PARP14: variants seen among roughly 807,000 people sequenced by gnomAD.
PARP14 encodes protein mono-ADP-ribosyltransferase PARP14.
PARP14 carries 59 observed loss-of-function variants against 154.2 expected under a neutral mutation model. The observed-to-expected ratio is 0.38, with a 90% CI of 0.31 to 0.48. The LOEUF is 0.48. Among genes scored for constraint, PARP14 ranks in the 20% least tolerant of loss-of-function variants. The pLI is 0.98. For synonymous variants in PARP14, 720 were observed against 780.5 expected (o/e 0.92, Z 1.29); for missense variants, 1,734 against 2,131.6 (o/e 0.81, Z 3.67).
At chr3:122,715,270 C>T (rs369654388) in intron 12 of PARP14, among the ~76,000 whole-genome samples, 1 of 152,032 alleles carries the variant, frequency 6.6e-6, no homozygotes, top group African/African-American at 2.4e-5. Context: ...TGTTCCAGTG[C>T]GAGAATAGTC....
chr3:122,728,726 G>T lies in PARP14; in HGVS notation c.*129G>T. ...TATCCAAGGATCATTCTTTGTCGCT[G>T]AAGTCAGTCTTTCTTCAGCTTCCCT... On this transcript the variant is annotated 3_prime_UTR_variant, in exon 17 of 17. Transcript: ENST00000474629. The T allele has an allele frequency of 1.4e-6, 1 of 712,778 alleles. No individual in the cohort carries two copies. The highest frequency in any genetic ancestry group is 2.4e-6 in the Non-Finnish European group (1 of 424,028). The allele number at this position is 712,778 out of a possible 1,614,324, so 44.2% of individuals were successfully genotyped here.
chr3:122,713,818 A>T lies in PARP14; in HGVS notation c.3770-54A>T, dbSNP rs761196520. On this transcript the variant is annotated intron_variant, in intron 10 of 16. Transcript: ENST00000474629. ...TTCAGATAATCCTTCTGATCCAAAT[A>T]TACCATAGTGGTTTTTTACTCATGT... The T allele has an allele frequency of 4.1e-5, 53 of 1,279,844 alleles. No individual in the cohort carries two copies. The South Asian group carries it at 5.0e-4, about 12-fold the overall frequency. The allele number at this position is 1,279,844 out of a possible 1,614,324, so 79.3% of individuals were successfully genotyped here.
At chr3:122,698,212 C>T (rs1938841475) in intron 5 of PARP14, among the ~76,000 whole-genome samples, 2 of 152,222 alleles carry the variant, frequency 1.3e-5, no homozygotes. Context: ...CTGCTTTTCC[C>T]TCATGCTTGA....
intron 15 of PARP14, chr3:122,720,894 C>T: frequency 2.2e-6 from 1 of 456,392 alleles, no homozygotes; most frequent in Non-Finnish European, 4.4e-6. Context: ...ATTGCATGAG[C>T]CCAGGAGTTT....
rs1376024073 is a variant in PARP14 at position 122,701,050 on chromosome 3, C to A, written c.2496C>A (p.Gly832=). The A allele has an allele frequency of 1.9e-6, 3 of 1,613,858 alleles. No individual in the cohort carries two copies. Among genetic ancestry groups the A allele is most frequent in the Non-Finnish European group, 2.5e-6 (3 of 1,179,888 alleles). Residue 832 remains glycine (G), a synonymous_variant, in exon 6 of 17, where the codon GGC becomes GGA. Transcript: ENST00000474629. The surrounding 1 kb of genome is among the most constrained non-coding windows in gnomAD (Gnocchi z 4.0). ...ATGAGGACCTTAAGCATTATGGTGG[C>A]CTGGCCGCTGCGCTCTCAAAAGCAG... ...ASNEDLKHYG[G]LAAALSKAAG... is the part of the protein sequence containing the mutation.
intron 1 of PARP14, among the ~76,000 whole-genome samples, chr3:122,684,543 C>G (rs529923694): frequency 1.6e-3 from 251 of 152,240 alleles, no homozygotes; most frequent in African/African-American, 5.8e-3. Context: ...TCTTTGGACT[C>G]TATGTCCACT....
At position 122,680,844 on chromosome 3, in the gene PARP14, T is replaced by C. The variant is rs2107633193; in HGVS notation, c.-40T>C. 6.6e-7 allele frequency: 1 copy of C among 1,522,940 alleles called. No homozygotes were observed. Among genetic ancestry groups the C allele is most frequent in the East Asian group, 2.4e-5 (1 of 42,382 alleles). The allele number at this position is 1,522,940 out of a possible 1,614,324, so 94.3% of individuals were successfully genotyped here. On this transcript the variant is annotated 5_prime_UTR_variant, in exon 1 of 17. Transcript: ENST00000474629. ...AGAGTCAAAGTTAGCGGCCCGGAGTTGGCGCGGCCCCTGCAGTCCGGCGGA... is the reference window on the plus strand; with the variant it reads ...AGAGTCAAAGTTAGCGGCCCGGAGTCGGCGCGGCCCCTGCAGTCCGGCGGA...
chr3:122,707,188 G>C (rs1032060775), intron 8 of PARP14, among the ~76,000 whole-genome samples: 5 of 152,064 alleles, frequency 3.3e-5, no homozygotes, highest in Non-Finnish European at 5.9e-5. Context: ...GGCAGCCAAG[G>C]CAGGCAGATC....
At chr3:122,695,339 A>G (rs1014069245) in intron 4 of PARP14, 87 bp from the exon 5 acceptor site, 13 of 691,090 alleles carry the variant, frequency 1.9e-5, no homozygotes, top group East Asian at 1.1e-4. Context: ...CTTTTATTTC[A>G]ATTAGTAGCC....
At chr3:122,712,092 T>A (rs553614456) in intron 9 of PARP14, among the ~76,000 whole-genome samples, 1 of 152,246 alleles carries the variant, frequency 6.6e-6, no homozygotes, top group Non-Finnish European at 1.5e-5. Flanking sequence ...TTTAAAATAG[T>A]TTCTATTTCT....
intron 6 of PARP14, among the ~76,000 whole-genome samples, chr3:122,702,463 G>A (rs528527400): frequency 3.9e-5 from 6 of 152,254 alleles, no homozygotes; most frequent in South Asian, 2.1e-4. Flanking sequence ...CGGGTGATCC[G>A]CCTGCTTCAG....
Position 122,729,988 on chromosome 3 carries a change from G to T in PARP14, c.*1391G>T, listed in dbSNP as rs1425954180. 6.6e-6 allele frequency: 1 copy of T among 152,186 alleles called. No homozygotes were observed. Among genetic ancestry groups the T allele is most frequent in the Admixed American group, 6.5e-5 (1 of 15,284 alleles). 9.4% of individuals were successfully genotyped at this position (152,186 alleles called of 1,614,324 possible). A position where few individuals can be genotyped will look rare whatever the true frequency, so the allele number is the denominator to read the frequency against. On this transcript the variant is annotated 3_prime_UTR_variant, in exon 17 of 17. Transcript: ENST00000474629. ...GGTGAAGTTTTAAAAATTTCCCCAGGTAAGTTTAAGATTCAAACACCATCT... is the reference window on the plus strand; with the variant it reads ...GGTGAAGTTTTAAAAATTTCCCCAGTTAAGTTTAAGATTCAAACACCATCT...
intron 15 of PARP14, 45 bp downstream of exon 15, chr3:122,720,433 T>C: frequency 6.3e-7 from 1 of 1,577,508 alleles, no homozygotes; most frequent in Middle Eastern, 1.7e-4. Context: ...TGGAAATAAG[T>C]TCTGTCATGG....
At chr3:122,686,309 A>G (rs943868791) in intron 2 of PARP14, among the ~76,000 whole-genome samples, 10 of 151,942 alleles carry the variant, frequency 6.6e-5, no homozygotes, top group Middle Eastern at 3.4e-3. Flanking sequence ...ACATGCCACC[A>G]CACCTGGCTA....
intron 14 of PARP14, among the ~76,000 whole-genome samples, 169 bp from the exon 15 acceptor site, chr3:122,720,086 T>C (rs566908430): frequency 6.6e-6 from 1 of 152,314 alleles, no homozygotes; most frequent in South Asian, 2.1e-4. Flanking sequence ...TTCCAGTTGG[T>C]TCTGATGTAG....
Position 122,695,475 on chromosome 3 carries a change from A to C in PARP14, c.648A>C (p.Gln216His), listed in dbSNP as rs1380804197. The C allele has an allele frequency of 1.2e-6, 2 of 1,608,744 alleles. No homozygotes were observed. Among genetic ancestry groups the C allele is most frequent in the Non-Finnish European group, 1.7e-6 (2 of 1,176,638 alleles). Residue 216 changes from glutamine (Q) to histidine (H), a missense_variant, in exon 5 of 17, where the codon CAA becomes CAC. Gln to His is a conservative substitution (Grantham distance 24). Transcript: ENST00000474629. ...GTACCAAGCACCATTCAATTAAACAACTTCAGCTTTCTCCAAGACTTCTGG... is the reference window on the plus strand; with the variant it reads ...GTACCAAGCACCATTCAATTAAACACCTTCAGCTTTCTCCAAGACTTCTGG... Reference protein sequence around the residue: ...DDCTKHHSIKQLQLSPRLLEV... With the variant: ...DDCTKHHSIKHLQLSPRLLEV...
At chr3:122,698,071 G>C (rs970165274) in intron 5 of PARP14, among the ~76,000 whole-genome samples, 7 of 152,216 alleles carry the variant, frequency 4.6e-5, no homozygotes, top group African/African-American at 1.7e-4. Flanking sequence ...CCTGGTGCCT[G>C]ATGGTGCTCA....
intron 8 of PARP14, among the ~76,000 whole-genome samples, chr3:122,707,952 C>T (rs910724940): frequency 1.3e-5 from 2 of 152,130 alleles, no homozygotes; most frequent in African/African-American, 4.8e-5. Flanking sequence ...TAGTGAATAT[C>T]CTTGTATTTA....
chr3:122,708,318 T>A (rs922453544), intron 9 of PARP14, 50 bp downstream of exon 9: 4 of 953,082 alleles, frequency 4.2e-6, no homozygotes, highest in Middle Eastern at 2.5e-4. Flanking sequence ...GCTAAGTAAC[T>A]GTTCATTGGC....
Sources: gnomAD v4.1 joint callset for allele counts (sites outside exome capture counted in the v4.1 genomes callset) on GRCh38, gnomAD v4.1.1 for gene constraint, Gnocchi (gnomAD v3.1) non-coding constraint, MANE v1.5 for transcripts, NCBI Gene and HGNC (gene_info 2026-07-23, HGNC 2026-07-21) for gene names.